ADK: variants seen among roughly 807,000 people sequenced by gnomAD.
The protein encoded by ADK is N6,N6-dimethyladenosine kinase.
A neutral mutation model predicts 44.7 loss-of-function variants in ADK; 24 were observed. The ratio of observed to expected loss-of-function variants is 0.54; its 90% CI spans 0.39 to 0.76. The LOEUF is 0.76. Among genes scored for constraint, ADK ranks in the 30% least tolerant of loss-of-function variants. The pLI, the probability that ADK is intolerant of heterozygous loss-of-function variation, is 0.00. For synonymous variants in ADK, 128 were observed against 142.6 expected, an observed-to-expected ratio of 0.90 and a Z score of 0.73; for missense variants, 321 against 425.1, an observed-to-expected ratio of 0.76 and a Z score of 2.15.
At chr10:74,223,422 G>A (rs1244435178) in intron 2 of ADK, among the ~76,000 whole-genome samples, 1 of 152,172 alleles carries the variant, frequency 6.6e-6, no homozygotes, top group Non-Finnish European at 1.5e-5. Flanking sequence ...TGAGATTTGA[G>A]GGGGGTCAAA....
intron 8 of ADK, among the ~76,000 whole-genome samples, chr10:74,590,984 A>AT (rs1851696955): frequency 6.6e-6 from 1 of 152,256 alleles, no homozygotes; most frequent in South Asian, 2.1e-4. Flanking sequence ...TAAAAAATGT[A>AT]TTTTTGGTTC....
intron 3 of ADK, among the ~76,000 whole-genome samples, chr10:74,235,361 G>A (rs1844920636): frequency 6.6e-6 from 1 of 152,064 alleles, no homozygotes; most frequent in Non-Finnish European, 1.5e-5. Flanking sequence ...TTAAGAGGTG[G>A]TCTCACTCTG....
At chr10:74,406,409 G>A (rs774311229) in intron 6 of ADK, among the ~76,000 whole-genome samples, 3 of 151,614 alleles carry the variant, frequency 2.0e-5, no homozygotes, top group Non-Finnish European at 4.4e-5. Context: ...TTTATATTTT[G>A]TGTGGTTGGG....
At chr10:74,490,842 A>G (rs1253723152) in intron 6 of ADK, among the ~76,000 whole-genome samples, 2 of 152,016 alleles carry the variant, frequency 1.3e-5, no homozygotes, top group Admixed American at 1.3e-4. Flanking sequence ...TTTTTTCCCC[A>G]TAGTAACTCA....
chr10:74,291,343 G>C (rs1382260147), intron 3 of ADK, among the ~76,000 whole-genome samples: 1 of 152,166 alleles, frequency 6.6e-6, no homozygotes, highest in African/African-American at 2.4e-5. Context: ...CGTGAACCCA[G>C]GAGGTGGAGC....
At chr10:74,363,937 G>A (rs145728701) in intron 4 of ADK, among the ~76,000 whole-genome samples, 1 of 152,194 alleles carries the variant, frequency 6.6e-6, no homozygotes, top group Non-Finnish European at 1.5e-5. Context: ...GCAGCAGGAG[G>A]AGCTGAGGCT....
At chr10:74,532,492 C>A (rs1385750761) in intron 7 of ADK, among the ~76,000 whole-genome samples, 10 of 122,652 alleles carry the variant, frequency 8.2e-5, no homozygotes, top group South Asian at 2.5e-4. Context: ...AAAAAAAAAA[C>A]CCTTGGAATA....
chr10:74,522,929 C>A (rs910258266), intron 6 of ADK, among the ~76,000 whole-genome samples: 1 of 152,098 alleles, frequency 6.6e-6, no homozygotes, highest in Non-Finnish European at 1.5e-5. Flanking sequence ...CTTTCCCTGC[C>A]CTTAAAAGCA....
chr10:74,300,857 C>A (rs1412746277), intron 3 of ADK, among the ~76,000 whole-genome samples: 1 of 152,232 alleles, frequency 6.6e-6, no homozygotes, highest in Non-Finnish European at 1.5e-5. Flanking sequence ...TTTCCACACA[C>A]ATTTGTAGCA....
intron 7 of ADK, among the ~76,000 whole-genome samples, chr10:74,534,719 A>C (rs946821932): frequency 6.6e-6 from 1 of 152,166 alleles, no homozygotes; most frequent in African/African-American, 2.4e-5. Context: ...CATGTTATCT[A>C]TTAAGTTTCA....
chr10:74,244,006 A>C (rs1845321739), intron 3 of ADK, among the ~76,000 whole-genome samples: 1 of 152,226 alleles, frequency 6.6e-6, no homozygotes, highest in Non-Finnish European at 1.5e-5. Context: ...CCTTAAAAAA[A>C]AACTAATACC....
chr10:74,334,521 G>GT (rs1432905151), intron 4 of ADK, among the ~76,000 whole-genome samples: 4 of 152,146 alleles, frequency 2.6e-5, no homozygotes, highest in African/African-American at 9.7e-5. Flanking sequence ...GTAATGAAGT[G>GT]TTTTTTCTTT....
intron 8 of ADK, among the ~76,000 whole-genome samples, chr10:74,595,697 A>ATG (rs1211975508): frequency 7.0e-5 from 4 of 57,196 alleles, no homozygotes; most frequent in South Asian, 8.4e-4. Context: ...CAACAGATTA[A>ATG]AAAAATAGGC....
intron 1 of ADK, among the ~76,000 whole-genome samples, chr10:74,191,954 C>T (rs1462353151): frequency 6.6e-6 from 1 of 152,156 alleles, no homozygotes; most frequent in East Asian, 1.9e-4. Flanking sequence ...GAACCCTAAC[C>T]CCTGGCAACT....
chr10:74,283,509 G>T (rs1278458098), intron 3 of ADK, among the ~76,000 whole-genome samples: 1 of 144,516 alleles, frequency 6.9e-6, no homozygotes, highest in Non-Finnish European at 1.5e-5. Flanking sequence ...AACTTATTTT[G>T]TCATACTAGA....
intron 3 of ADK, among the ~76,000 whole-genome samples, chr10:74,299,624 C>CAT (rs61593434): frequency 0.48 from 71,754 of 149,112 alleles, 19,675 homozygotes; most frequent in Non-Finnish European, 0.62. Context: ...ATACATTATA[C>CAT]ATATATATGG....
At chr10:74,363,744 C>T (rs192839419) in intron 4 of ADK, among the ~76,000 whole-genome samples, 1 of 152,174 alleles carries the variant, frequency 6.6e-6, no homozygotes, top group African/African-American at 2.4e-5. Context: ...ACAGATACCC[C>T]TCTTCCAGCA....
At chr10:74,262,602 A>G (rs1846078300) in intron 3 of ADK, among the ~76,000 whole-genome samples, 1 of 152,238 alleles carries the variant, frequency 6.6e-6, no homozygotes, top group African/African-American at 2.4e-5. Context: ...ATGAAGCACA[A>G]CAAACCAACA....
At chr10:74,586,325 A>G (rs1047221672) in intron 7 of ADK, among the ~76,000 whole-genome samples, 1 of 152,192 alleles carries the variant, frequency 6.6e-6, no homozygotes, top group African/African-American at 2.4e-5. Context: ...TTTTCTAGTG[A>G]TAGGGCACAG....
Sources: gnomAD v4.1 joint callset for allele counts (sites outside exome capture counted in the v4.1 genomes callset) on GRCh38, gnomAD v4.1.1 for gene constraint, MANE v1.5 for transcripts, NCBI Gene and HGNC (gene_info 2026-07-23, HGNC 2026-07-21) for gene names.